Variants in TMEM232 observed in about 807,000 individuals in gnomAD.
TMEM232 encodes the protein transmembrane protein 232.
TMEM232 carries 80 observed loss-of-function variants against 78.8 expected under a neutral mutation model. That is an observed-to-expected ratio of 1.01 (90% CI 0.85 to 1.22). The LOEUF (loss-of-function observed/expected upper bound fraction) is 1.22, where lower values mean the gene tolerates loss of function less well. Among genes scored for constraint, TMEM232 ranks in the 50% most tolerant of loss-of-function variants. The pLI, the probability that TMEM232 is intolerant of heterozygous loss-of-function variation, is 0.00. For missense variants in TMEM232, 881 were observed against 742.2 expected (o/e 1.19, Z -2.17); for synonymous variants, 297 against 254.3 (o/e 1.17, Z -1.60).
At chr5:110,606,078 C>T (rs1781508545) in intron 9 of TMEM232, 86 bp downstream of exon 9, 2 of 1,326,146 alleles carry the variant, frequency 1.5e-6, no homozygotes, top group African/African-American at 1.5e-5. Flanking sequence ...ACTATATGCG[C>T]TAATACGATA....
chr5:110,495,833 T>C (rs531615593), intron 12 of TMEM232, among the ~76,000 whole-genome samples: 7 of 151,674 alleles, frequency 4.6e-5, no homozygotes, highest in African/African-American at 1.4e-4. Flanking sequence ...TTTTTAATAA[T>C]GATAATTCTA....
intron 12 of TMEM232, among the ~76,000 whole-genome samples, chr5:110,485,994 T>A (rs1317935212): frequency 1.3e-5 from 2 of 152,112 alleles, no homozygotes; most frequent in East Asian, 3.9e-4. Flanking sequence ...TTTTCAATTT[T>A]TTTTTTATTA....
At chr5:110,712,173 C>T (rs1330416353) in intron 1 of TMEM232, among the ~76,000 whole-genome samples, 2 of 150,472 alleles carry the variant, frequency 1.3e-5, no homozygotes, top group African/African-American at 4.9e-5. Context: ...AGAAACTCTC[C>T]AGGACATTGG....
At chr5:110,490,709 G>A (rs952504231) in intron 12 of TMEM232, among the ~76,000 whole-genome samples, 1 of 152,000 alleles carries the variant, frequency 6.6e-6, no homozygotes, top group African/African-American at 2.4e-5. Context: ...TTCAACAAAG[G>A]TGCCAAGACA....
At chr5:110,595,996 G>C (rs1456277102) in intron 10 of TMEM232, among the ~76,000 whole-genome samples, 1 of 152,132 alleles carries the variant, frequency 6.6e-6, no homozygotes, top group Non-Finnish European at 1.5e-5. Flanking sequence ...AGGATGAAAT[G>C]AAGGAAAAAT....
intron 2 of TMEM232, among the ~76,000 whole-genome samples, chr5:110,652,296 A>G (rs62376091): frequency 8.1e-5 from 9 of 110,786 alleles, no homozygotes; most frequent in South Asian, 5.0e-4. Context: ...ACGCGCGCGC[A>G]CACACACACA....
intron 11 of TMEM232, among the ~76,000 whole-genome samples, chr5:110,548,346 CATTA>C (rs1042751799): frequency 2.7e-5 from 4 of 148,602 alleles, no homozygotes; most frequent in East Asian, 1.9e-4. Flanking sequence ...TATTATTAAT[CATTA>C]ATTATTAATA....
chr5:110,634,606 A>C (rs908928451), intron 5 of TMEM232, among the ~76,000 whole-genome samples: 4 of 152,076 alleles, frequency 2.6e-5, no homozygotes, highest in African/African-American at 9.7e-5. Flanking sequence ...CACTGGGTCA[A>C]TGAAGAGGTT....
At position 110,431,270 on chromosome 5, in the gene TMEM232, TG is replaced by T. The variant is rs540078300; in HGVS notation, c.1704-6355del. On this transcript the variant is annotated intron_variant, in intron 12 of 13. Coordinates refer to ENST00000455884, the MANE Select transcript of TMEM232 (RefSeq NM_001039763.4). Reference sequence around the variant, plus strand: ...AGAAACTTTACAGTTTCTGAAAATTTGGGGCTCAAATCTACAAAACGAGAGA... The same window carrying T: ...AGAAACTTTACAGTTTCTGAAAATTTGGGCTCAAATCTACAAAACGAGAGA... Among the ~76,000 whole-genome samples, 3 of 151,670 alleles carry T rather than the reference TG, an allele frequency of 2.0e-5. No individual in the cohort carries two copies. In the East Asian group the frequency reaches 5.8e-4, roughly 29 times the overall value.
At chr5:110,733,501 C>T (rs991444260) in intron 2 of TMEM232, among the ~76,000 whole-genome samples, 1 of 152,142 alleles carries the variant, frequency 6.6e-6, no homozygotes, top group East Asian at 1.9e-4. Context: ...ACTATGCAGC[C>T]ATAAAAAAGA....
intron 10 of TMEM232, among the ~76,000 whole-genome samples, chr5:110,604,094 G>A (rs770969247): frequency 2.0e-5 from 3 of 152,022 alleles, no homozygotes; most frequent in Non-Finnish European, 4.4e-5. Context: ...TATGCTAGAT[G>A]CTGGGTTACT....
downstream of TMEM232, among the ~76,000 whole-genome samples, chr5:110,417,317 C>G (rs536615454): frequency 6.6e-6 from 1 of 152,248 alleles, no homozygotes; most frequent in East Asian, 1.9e-4. Context: ...TATTTTTCTC[C>G]TATCAACTCA....
chr5:110,558,141 T>A (rs1398132036), intron 11 of TMEM232, among the ~76,000 whole-genome samples: 1 of 152,150 alleles, frequency 6.6e-6, no homozygotes, highest in Non-Finnish European at 1.5e-5. Flanking sequence ...CTCTAGCTAC[T>A]TGAAGTTGGG....
At chr5:110,532,390 G>A (rs1404165957) in intron 11 of TMEM232, among the ~76,000 whole-genome samples, 1 of 151,442 alleles carries the variant, frequency 6.6e-6, no homozygotes, top group Non-Finnish European at 1.5e-5. Context: ...CACAGTGGAA[G>A]GTAAGTCCGT....
chr5:110,553,599 C>T (rs964398993), intron 11 of TMEM232, among the ~76,000 whole-genome samples: 22 of 152,050 alleles, frequency 1.4e-4, no homozygotes, highest in African/African-American at 5.3e-4. Flanking sequence ...TGCTGAAGTA[C>T]TTTATGAGAT....
intron 2 of TMEM232, among the ~76,000 whole-genome samples, chr5:110,663,576 C>G (rs1393539315): frequency 6.6e-6 from 1 of 151,590 alleles, no homozygotes; most frequent in Non-Finnish European, 1.5e-5. Context: ...TTATAAATAA[C>G]TAAATAAATG....
chr5:110,711,101 G>T (rs1327721518), intron 1 of TMEM232, among the ~76,000 whole-genome samples: 1 of 152,162 alleles, frequency 6.6e-6, no homozygotes, highest in African/African-American at 2.4e-5. Flanking sequence ...AAAATCAGTA[G>T]CATTTCAATA....
At chr5:110,464,375 G>A (rs916000148) in intron 12 of TMEM232, among the ~76,000 whole-genome samples, 2 of 152,156 alleles carry the variant, frequency 1.3e-5, no homozygotes, top group Non-Finnish European at 2.9e-5. Flanking sequence ...AGACACTGGG[G>A]AAGGCAGAAC....
At chr5:110,694,477 G>T (rs966574758) in intron 1 of TMEM232, among the ~76,000 whole-genome samples, 13 of 152,078 alleles carry the variant, frequency 8.5e-5, no homozygotes, top group African/African-American at 3.1e-4. Flanking sequence ...ATGGAAATGG[G>T]CTAAATGCTA....
Sources: gnomAD v4.1 joint callset for allele counts (sites outside exome capture counted in the v4.1 genomes callset) on GRCh38, gnomAD v4.1.1 for gene constraint, MANE v1.5 for transcripts, NCBI Gene and HGNC (gene_info 2026-07-23, HGNC 2026-07-21) for gene names.